Variants in SPIRE1 observed in about 807,000 individuals in gnomAD.
SPIRE1 encodes spire type actin nucleation factor 1.
Under a neutral mutation model 94.1 loss-of-function variants are expected in SPIRE1, and 40 were observed. The ratio of observed to expected loss-of-function variants is 0.43; its 90% CI spans 0.33 to 0.55. SPIRE1 has a LOEUF of 0.55. Among genes scored for constraint, SPIRE1 ranks in the 20% least tolerant of loss-of-function variants. The pLI is 0.06. For missense variants in SPIRE1, 838 were observed against 975.2 expected (o/e 0.86, Z 1.87); for synonymous variants, 376 against 371.7 (o/e 1.01, Z -0.13).
At chr18:12,552,404 G>C (rs1038921245) in intron 2 of SPIRE1, among the ~76,000 whole-genome samples, 2 of 152,134 alleles carry the variant, frequency 1.3e-5, no homozygotes, top group South Asian at 4.1e-4. Context: ...CTTGAAGAGA[G>C]GAGAGGGAAA....
At chr18:12,496,203 G>A in intron 6 of SPIRE1, 101 bp from the exon 7 acceptor site, 1 of 747,172 alleles carries the variant, frequency 1.3e-6, no homozygotes, top group Admixed American at 2.1e-5. Context: ...AATTAGTGAA[G>A]TGTAATTACC....
At chr18:12,552,475 G>A (rs2035379560) in intron 2 of SPIRE1, among the ~76,000 whole-genome samples, 2 of 152,036 alleles carry the variant, frequency 1.3e-5, no homozygotes, top group African/African-American at 2.4e-5. Context: ...GAATAAGGGA[G>A]GAGACCACCC....
At chr18:12,524,297 C>T (rs1318623819) in intron 4 of SPIRE1, among the ~76,000 whole-genome samples, 1 of 152,186 alleles carries the variant, frequency 6.6e-6, no homozygotes, top group East Asian at 1.9e-4. Context: ...ATCTGGGCAT[C>T]TATAATTCAT....
chr18:12,463,894 T>A (rs1384612597), intron 11 of SPIRE1, among the ~76,000 whole-genome samples: 1 of 152,242 alleles, frequency 6.6e-6, no homozygotes, highest in African/African-American at 2.4e-5. Context: ...AAGCTTCAGC[T>A]TTGATGTTAA....
At chr18:12,615,195 G>A (rs984263394) in intron 2 of SPIRE1, among the ~76,000 whole-genome samples, 1 of 149,814 alleles carries the variant, frequency 6.7e-6, no homozygotes, top group African/African-American at 2.5e-5. Flanking sequence ...GGGCGTGGTG[G>A]CACACACCTG....
intron 2 of SPIRE1, among the ~76,000 whole-genome samples, chr18:12,581,845 C>G (rs2036265911): frequency 6.7e-6 from 1 of 149,300 alleles, no homozygotes; most frequent in Non-Finnish European, 1.5e-5. Context: ...GCCTGGGCAT[C>G]AGAATGAGAC....
chr18:12,636,656 A>C (rs867441381), intron 1 of SPIRE1, among the ~76,000 whole-genome samples: 15 of 152,156 alleles, frequency 9.9e-5, no homozygotes, highest in African/African-American at 3.4e-4. Flanking sequence ...TAAAAATTAT[A>C]TATGAGCAAT....
rs1047182518 is a variant in SPIRE1 at position 12,657,324 on chromosome 18, C to T, written c.337+206G>A. ...ACAGCGGATTTGCGCCGTCGCCCGC[C>T]ACGAGGCTCTGACCTCCGAGGGGCC... On this transcript the variant is annotated intron_variant, in intron 1 of 16. Coordinates refer to ENST00000409402, the MANE Select transcript of SPIRE1 (RefSeq NM_001128626.2). Among the ~76,000 whole-genome samples, 3 of 150,828 alleles carry T rather than the reference C, an allele frequency of 2.0e-5. No individual in the cohort carries two copies. In the East Asian group the frequency reaches 5.8e-4, roughly 29 times the overall value.
At position 12,641,472 on chromosome 18, in the gene SPIRE1, G is replaced by A. The variant is rs1047327363; in HGVS notation, c.338-6376C>T. On this transcript the variant is annotated intron_variant, in intron 1 of 16. Transcript: ENST00000409402. ...CAACCTCCGTCTCCAGGGTTCAAGCGATTCTCCTGCCTCAGCCTCCCAAGT... is the reference window on the plus strand; with the variant it reads ...CAACCTCCGTCTCCAGGGTTCAAGCAATTCTCCTGCCTCAGCCTCCCAAGT... 5.3e-5 allele frequency among the ~76,000 whole-genome samples: 8 copies of A among 151,562 alleles called. No homozygotes were observed. In the East Asian group the frequency reaches 5.9e-4, roughly 11 times the overall value.
chr18:12,530,933 G>A lies in SPIRE1; in HGVS notation c.729+4543C>T, dbSNP rs1444525468. 2.6e-5 allele frequency among the ~76,000 whole-genome samples: 4 copies of A among 152,228 alleles called. No individual in the cohort carries two copies. In the East Asian group the frequency reaches 7.7e-4, roughly 29 times the overall value. On this transcript the variant is annotated intron_variant, in intron 4 of 16. Coordinates refer to ENST00000409402, the MANE Select transcript of SPIRE1 (RefSeq NM_001128626.2). ...CATACTGCACACTCTCAACGTGGAG[G>A]CAATGATGGCTAGAGCATGCTAGGA...
intron 2 of SPIRE1, among the ~76,000 whole-genome samples, chr18:12,630,192 G>T (rs1393269060): frequency 1.3e-5 from 2 of 152,124 alleles, no homozygotes; most frequent in African/African-American, 4.8e-5. Context: ...TCTATGACTT[G>T]ATGAGGGTCC....
chr18:12,608,220 ATTT>A (rs2037042570), intron 2 of SPIRE1, among the ~76,000 whole-genome samples: 1 of 151,436 alleles, frequency 6.6e-6, no homozygotes, highest in Non-Finnish European at 1.5e-5. Flanking sequence ...TACCCCAAAA[ATTT>A]TTTTTTAATT....
chr18:12,540,899 C>T (rs2034995111), intron 3 of SPIRE1, among the ~76,000 whole-genome samples: 1 of 152,174 alleles, frequency 6.6e-6, no homozygotes, highest in Non-Finnish European at 1.5e-5. Context: ...TCACACCATC[C>T]TGCACTGTCC....
chr18:12,476,942 G>A (rs1373243312), intron 10 of SPIRE1, among the ~76,000 whole-genome samples: 1 of 152,118 alleles, frequency 6.6e-6, no homozygotes, highest in Admixed American at 6.6e-5. Flanking sequence ...AAAAGTCAGA[G>A]GTAGCTGGAA....
chr18:12,630,860 G>T (rs8089115), intron 2 of SPIRE1, among the ~76,000 whole-genome samples: 1 of 151,916 alleles, frequency 6.6e-6, no homozygotes, highest in Non-Finnish European at 1.5e-5. Flanking sequence ...AGCAAGAGTT[G>T]GGTGAGGGGT....
At chr18:12,513,025 T>C (rs1357102552) in intron 4 of SPIRE1, among the ~76,000 whole-genome samples, 1 of 152,122 alleles carries the variant, frequency 6.6e-6, no homozygotes, top group African/African-American at 2.4e-5. Flanking sequence ...AATCCTCCTA[T>C]TTTAAAATTT....
At chr18:12,574,363 G>T (rs765728012) in intron 2 of SPIRE1, among the ~76,000 whole-genome samples, 3 of 152,180 alleles carry the variant, frequency 2.0e-5, no homozygotes, top group Admixed American at 1.3e-4. Flanking sequence ...TCAAATCTAG[G>T]GCTGATGGTT....
chr18:12,615,345 A>AAAAAAAATAT, intron 2 of SPIRE1, among the ~76,000 whole-genome samples: 6 of 17,240 alleles, frequency 3.5e-4, no homozygotes, highest in Non-Finnish European at 7.4e-4. Flanking sequence ...AAAAAAAAAA[A>AAAAAAAATAT]ATATATATAT....
intron 2 of SPIRE1, among the ~76,000 whole-genome samples, chr18:12,572,511 C>G (rs1350923205): frequency 6.6e-6 from 1 of 152,046 alleles, no homozygotes; most frequent in African/African-American, 2.4e-5. Flanking sequence ...ATTTGGGAGG[C>G]TGAGGCAAGA....
Sources: allele counts gnomAD v4.1 joint callset (sites outside exome capture counted in the v4.1 genomes callset), GRCh38; gene constraint gnomAD v4.1.1; transcripts MANE v1.5; gene names NCBI Gene and HGNC (gene_info 2026-07-23, HGNC 2026-07-21).